The following ZFYVE28 variants were observed in gnomAD, a reference collection of about 807,000 sequenced individuals.
ZFYVE28 encodes zinc finger FYVE-type containing 28, also known as lateral signaling target protein 2 homolog.
In ZFYVE28, 40 loss-of-function variants were observed where a neutral mutation model predicts 82.1. The observed-to-expected ratio is 0.49, with a 90% CI of 0.38 to 0.63. The LOEUF (loss-of-function observed/expected upper bound fraction) is 0.63, where lower values mean the gene tolerates loss of function less well. Ranked by LOEUF, ZFYVE28 falls within the 30% of genes least tolerant of loss-of-function variation. The probability of loss-of-function intolerance (pLI) is 0.00; values close to 1 mark genes in which losing one functional copy is unlikely to be tolerated. For synonymous variants in ZFYVE28, 612 were observed against 546.1 expected (o/e 1.12, Z -1.68); for missense variants, 1,321 against 1,242.1 (o/e 1.06, Z -0.96).
chr4:2,322,319 G>C (rs930459422), intron 6 of ZFYVE28, among the ~76,000 whole-genome samples: 1 of 152,246 alleles, frequency 6.6e-6, no homozygotes. Flanking sequence ...CTGGGAATGA[G>C]CTATTGCCAG....
At chr4:2,382,888 A>G (rs1237152061) in intron 1 of ZFYVE28, among the ~76,000 whole-genome samples, 1 of 151,992 alleles carries the variant, frequency 6.6e-6, no homozygotes, top group African/African-American at 2.4e-5. Context: ...CTTACACGGC[A>G]GCAGCAGGAG....
intron 6 of ZFYVE28, chr4:2,331,010 G>T (rs1181567182): frequency 1.3e-6 from 2 of 1,532,394 alleles, no homozygotes; most frequent in African/African-American, 2.8e-5. Context: ...GTGGGCGGTG[G>T]CTCCTGCACG....
rs1468600190 is a variant in ZFYVE28 at position 2,273,755 on chromosome 4, C to A, written c.2206+307G>T. 2.0e-5 allele frequency among the ~76,000 whole-genome samples: 3 copies of A among 152,146 alleles called. No homozygotes were observed. The East Asian group carries it at 5.8e-4, about 29-fold the overall frequency. ...CCCCAGCAGCCTACGTGGCTGGGAGCCCAGGGTGGACCCTGCCCAGAGGTG... is the reference window on the plus strand; with the variant it reads ...CCCCAGCAGCCTACGTGGCTGGGAGACCAGGGTGGACCCTGCCCAGAGGTG... On this transcript the variant is annotated intron_variant, in intron 9 of 12. Coordinates refer to ENST00000290974, the MANE Select transcript of ZFYVE28 (RefSeq NM_020972.3).
At chr4:2,364,867 G>C (rs1726664310) in intron 1 of ZFYVE28, 1 of 985,490 alleles carries the variant, frequency 1.0e-6, no homozygotes, top group Middle Eastern at 5.2e-4. Flanking sequence ...CCGCGGCAAA[G>C]TCGCGAGAGT....
intron 7 of ZFYVE28, among the ~76,000 whole-genome samples, chr4:2,307,249 T>C (rs4974672): frequency 0.48 from 73,564 of 152,056 alleles, 18,371 homozygotes; most frequent in Middle Eastern, 0.56. Context: ...AATTGGGTTG[T>C]CTGCCTTTTT....
chr4:2,299,249 A>G (rs1327110520), intron 8 of ZFYVE28, among the ~76,000 whole-genome samples: 3 of 152,150 alleles, frequency 2.0e-5, no homozygotes, highest in Admixed American at 6.5e-5. Flanking sequence ...ACAACTGCCC[A>G]GGTTGGCAGT....
At position 2,270,388 on chromosome 4, in the gene ZFYVE28, C is replaced by T. The variant is rs1735804336; in HGVS notation, c.*337G>A. ...TGGCCCCACTCTTGTCCACCTCCAT[C>T]ACCCGCCCCGATTCCCATAGCCCCA... On this transcript the variant is annotated 3_prime_UTR_variant, in exon 13 of 13. Coordinates refer to ENST00000290974, the MANE Select transcript of ZFYVE28 (RefSeq NM_020972.3). 2.9e-6 allele frequency: 1 copy of T among 347,262 alleles called. No individual in the cohort carries two copies. Among genetic ancestry groups the T allele is most frequent in the Admixed American group, 4.3e-5 (1 of 23,272 alleles). 21.5% of individuals were successfully genotyped at this position (347,262 alleles called of 1,614,324 possible). A position where few individuals can be genotyped will look rare whatever the true frequency, so the allele number is the denominator to read the frequency against.
rs986853587 is a variant in ZFYVE28, at chr4:2,332,177, C to T, written c.701+3528G>A. Among the ~76,000 whole-genome samples the T allele has an allele frequency of 2.6e-5, 4 of 152,308 alleles. No individual in the cohort carries two copies. The highest frequency in any genetic ancestry group is 7.2e-5 in the African/African-American group (3 of 41,566). ...AGCTCCACCCTCAGCTCCTGCCCCGCTCAGCACCCCTGCCTCCCCTCTGCT... is the reference window on the plus strand; with the variant it reads ...AGCTCCACCCTCAGCTCCTGCCCCGTTCAGCACCCCTGCCTCCCCTCTGCT... On this transcript the variant is annotated intron_variant, in intron 6 of 12. Coordinates refer to ENST00000290974, the MANE Select transcript of ZFYVE28 (RefSeq NM_020972.3). This position sits in a 1 kb window ranked among gnomAD's most constrained non-coding sequence, Gnocchi z 4.7.
intron 8 of ZFYVE28, chr4:2,287,632 G>C (rs1712960096): frequency 6.6e-6 from 1 of 152,300 alleles, no homozygotes; most frequent in South Asian, 2.1e-4. Flanking sequence ...ACAGAGGCCA[G>C]CAGACATCAC....
Position 2,404,095 on chromosome 4 carries a change from C to T in ZFYVE28, c.39+14190G>A, listed in dbSNP as rs181377051. On this transcript the variant is annotated intron_variant, in intron 1 of 12. Transcript: ENST00000290974. ...CAGCACATTGGGAGGCTGAGACGGG[C>T]GGATCACGAGGTCAGGAGATCGAGA... 4.1e-3 allele frequency among the ~76,000 whole-genome samples: 626 copies of T among 151,648 alleles called. 6 individuals are homozygous for T. Among genetic ancestry groups the T allele is most frequent in the African/African-American group, 0.014 (576 of 41,348 alleles).
At chr4:2,296,570 G>T (rs1050553623) in intron 8 of ZFYVE28, among the ~76,000 whole-genome samples, 19 of 152,102 alleles carry the variant, frequency 1.2e-4, no homozygotes, top group Non-Finnish European at 1.9e-4. Context: ...GCATGAAGTG[G>T]GTGGAAGGTC....
chr4:2,286,036 C>T (rs1011207854), intron 8 of ZFYVE28: 1 of 152,440 alleles, frequency 6.6e-6, no homozygotes, highest in South Asian at 2.1e-4. Flanking sequence ...ACTGCTCCCC[C>T]ACCCACCTCC....
At chr4:2,275,331 A>G (rs776740484) in intron 8 of ZFYVE28, among the ~76,000 whole-genome samples, 12 of 152,188 alleles carry the variant, frequency 7.9e-5, no homozygotes, top group Non-Finnish European at 1.2e-4. Flanking sequence ...CTAGGGGTGC[A>G]CCCACTGGCC....
chr4:2,314,063 A>G (rs948241261), intron 7 of ZFYVE28, among the ~76,000 whole-genome samples: 5 of 152,200 alleles, frequency 3.3e-5, no homozygotes, highest in African/African-American at 7.2e-5. Context: ...TTTGCTTTAC[A>G]TAAGTTTTAC....
intron 6 of ZFYVE28, among the ~76,000 whole-genome samples, chr4:2,329,961 T>A (rs1451372380): frequency 6.6e-6 from 1 of 152,236 alleles, no homozygotes; most frequent in Non-Finnish European, 1.5e-5. Flanking sequence ...CACTATGACA[T>A]GACAGGCACT....
intron 1 of ZFYVE28, among the ~76,000 whole-genome samples, chr4:2,368,361 C>T (rs988715184): frequency 3.9e-5 from 6 of 152,120 alleles, no homozygotes; most frequent in African/African-American, 1.4e-4. Flanking sequence ...GAGATCATAC[C>T]ACTGCACTCC....
Position 2,273,189 on chromosome 4 carries a change from C to T in ZFYVE28, c.2307G>A (p.Lys769=), listed in dbSNP as rs774942590. 2 of 1,613,712 alleles carry T rather than the reference C, an allele frequency of 1.2e-6. No individual in the cohort carries two copies. The highest frequency in any genetic ancestry group is 2.2e-5 in the East Asian group (1 of 44,882). Residue 769 remains lysine (K), a synonymous_variant, in exon 10 of 13, where the codon AAG becomes AAA. Transcript: ENST00000290974. ...VMATKPETDD[K]EKLRKVTQTL... is the part of the protein sequence containing the mutation. The stretch of plus-strand genomic sequence containing the variant: ...GGCACTCACCCTTCCTTAACTTTTC[C>T]TTGTCGTCTGTTTCAGGCTTGGTGG...
Position 2,300,025 on chromosome 4 carries a change from T to C in ZFYVE28, c.2051+4264A>G, listed in dbSNP as rs1166568198. Among the ~76,000 whole-genome samples, 1 of 152,180 alleles carries C rather than the reference T, an allele frequency of 6.6e-6. No homozygotes were observed. The highest frequency in any genetic ancestry group is 2.4e-5 in the African/African-American group (1 of 41,456). ...GTTGTCCAGGCTGGCCTTGAACTCC[T>C]GGCCTCAAGCAATACGCCTGCCTCA... On this transcript the variant is annotated intron_variant, in intron 8 of 12. Coordinates refer to ENST00000290974, the MANE Select transcript of ZFYVE28 (RefSeq NM_020972.3). The surrounding 1 kb of genome is among the most constrained non-coding windows in gnomAD (Gnocchi z 4.6).
chr4:2,334,635 C>T (rs374657064), intron 6 of ZFYVE28, among the ~76,000 whole-genome samples: 32 of 151,606 alleles, frequency 2.1e-4, no homozygotes, highest in East Asian at 2.0e-3. Context: ...CCCCACTCCC[C>T]GACCACTTCA....
Sources: allele counts gnomAD v4.1 joint callset (sites outside exome capture counted in the v4.1 genomes callset), GRCh38; gene constraint gnomAD v4.1.1; non-coding constraint Gnocchi (gnomAD v3.1); transcripts MANE v1.5; gene names NCBI Gene and HGNC (gene_info 2026-07-23, HGNC 2026-07-21).